CEP85L: variants seen among roughly 807,000 people sequenced by gnomAD.
The protein encoded by CEP85L is centrosomal protein 85L.
A neutral mutation model predicts 100.3 loss-of-function variants in CEP85L; 60 were observed. The observed-to-expected ratio is 0.60, with a 90% CI of 0.49 to 0.74. CEP85L has a LOEUF of 0.74. Among genes scored for constraint, CEP85L ranks in the 30% least tolerant of loss-of-function variants. CEP85L has a pLI of 0.00. For missense variants in CEP85L, 973 were observed against 936.2 expected, an observed-to-expected ratio of 1.04 and a Z score of -0.51; for synonymous variants, 319 against 322.7, an observed-to-expected ratio of 0.99 and a Z score of 0.12.
chr6:118,613,184 C>A (rs759212148), intron 2 of CEP85L, among the ~76,000 whole-genome samples: 2 of 151,972 alleles, frequency 1.3e-5, no homozygotes, highest in Admixed American at 6.6e-5. Flanking sequence ...GTACTCCAGC[C>A]TGGGCAACAA....
At chr6:118,600,306 T>G (rs867468913) in intron 2 of CEP85L, among the ~76,000 whole-genome samples, 920 of 40,690 alleles carry the variant, frequency 0.023, 122 homozygotes, top group Middle Eastern at 0.042. Context: ...TGGGGGTGTG[T>G]GTGTGTGTGT....
chr6:118,705,673 A>G (rs1051358597), intron 1 of CEP85L, among the ~76,000 whole-genome samples: 1 of 152,262 alleles, frequency 6.6e-6, no homozygotes, highest in Admixed American at 6.5e-5. Flanking sequence ...TTTTCCAGAC[A>G]TCAATCTGAC....
At chr6:118,567,575 G>C (rs1779627368) in intron 2 of CEP85L, among the ~76,000 whole-genome samples, 1 of 151,940 alleles carries the variant, frequency 6.6e-6, no homozygotes, top group South Asian at 2.1e-4. Context: ...TGTAATCAAG[G>C]GATATCTAGA....
intron 3 of CEP85L, among the ~76,000 whole-genome samples, chr6:118,544,085 C>T (rs773090160): frequency 2.0e-5 from 3 of 151,942 alleles, no homozygotes; most frequent in Non-Finnish European, 2.9e-5. Context: ...ACAAAGTTTG[C>T]GAATGCGAGG....
intron 1 of CEP85L, among the ~76,000 whole-genome samples, chr6:118,676,000 G>T (rs1421171601): frequency 6.6e-6 from 1 of 152,130 alleles, no homozygotes; most frequent in Non-Finnish European, 1.5e-5. Context: ...GCCAAGTTAA[G>T]ATCCAATCAG....
intron 1 of CEP85L, among the ~76,000 whole-genome samples, chr6:118,644,589 C>T (rs573621656): frequency 5.3e-5 from 8 of 152,260 alleles, no homozygotes; most frequent in South Asian, 2.1e-4. Context: ...CTCTCCCCAC[C>T]GCCCTCTGCC....
intron 1 of CEP85L, among the ~76,000 whole-genome samples, chr6:118,706,595 A>G (rs1777599288): frequency 6.6e-6 from 1 of 152,286 alleles, no homozygotes. Context: ...TTTTTATTTT[A>G]TGTGCCACTT....
Position 118,537,858 on chromosome 6 carries a change from C to T in CEP85L, c.1021-13938G>A, listed in dbSNP as rs987884721. 24 of 985,086 alleles carry T rather than the reference C, an allele frequency of 2.4e-5. No individual in the cohort carries two copies. In the African/African-American group the frequency reaches 3.7e-4, roughly 15 times the overall value. The allele number at this position is 985,086 out of a possible 1,614,324, so 61.0% of individuals were successfully genotyped here. A position where few individuals can be genotyped will look rare whatever the true frequency, so the allele number is the denominator to read the frequency against. ...CTTATTCATCACTCACAACATGTCA[C>T]GTAACACAGTAAATCTTCCTCTGTT... is the stretch of plus-strand genomic sequence containing the variant. On this transcript the variant is annotated intron_variant, in intron 3 of 12. Transcript: ENST00000368491.
intron 3 of CEP85L, among the ~76,000 whole-genome samples, chr6:118,547,920 G>C (rs1046711018): frequency 3.9e-5 from 6 of 152,036 alleles, no homozygotes; most frequent in African/African-American, 1.4e-4. Flanking sequence ...TTCAATGAAA[G>C]TTGTTTTGCT....
At chr6:118,683,212 G>A (rs1583256390) in intron 1 of CEP85L, among the ~76,000 whole-genome samples, 1 of 152,244 alleles carries the variant, frequency 6.6e-6, no homozygotes, top group Middle Eastern at 3.4e-3. Context: ...TAATAACTAT[G>A]TTTTAATGTA....
intron 3 of CEP85L, chr6:118,559,333 C>T (rs996805639): frequency 2.2e-6 from 1 of 460,810 alleles, no homozygotes; most frequent in African/African-American, 2.0e-5. Context: ...CTGTTGATTT[C>T]CTCAACATGG....
Position 118,570,052 on chromosome 6 carries a change from A to T in CEP85L, c.233-3736T>A, listed in dbSNP as rs527673150. On this transcript the variant is annotated intron_variant, in intron 2 of 12. Coordinates refer to ENST00000368491, the MANE Select transcript of CEP85L (RefSeq NM_001042475.3). Reference sequence around the variant, plus strand: ...TATGAATACACATATGTGAACATACATATCTAGATATGTAGATGCGTGCAT... The same window carrying T: ...TATGAATACACATATGTGAACATACTTATCTAGATATGTAGATGCGTGCAT... Among the ~76,000 whole-genome samples, 16 of 152,328 alleles carry T rather than the reference A, an allele frequency of 1.1e-4. No homozygotes were observed. The South Asian group carries it at 3.3e-3, about 32-fold the overall frequency.
chr6:118,554,329 A>G (rs1173430482), intron 3 of CEP85L, among the ~76,000 whole-genome samples: 1 of 152,066 alleles, frequency 6.6e-6, no homozygotes, highest in Non-Finnish European at 1.5e-5. Flanking sequence ...TTAATTAAAA[A>G]TGAGATGGGG....
chr6:118,505,741 G>T (rs1582933706), intron 5 of CEP85L, among the ~76,000 whole-genome samples: 1 of 152,128 alleles, frequency 6.6e-6, no homozygotes, highest in East Asian at 1.9e-4. Flanking sequence ...GGGTCCAATG[G>T]GTTGAACAGG....
upstream of CEP85L, chr6:118,651,679 C>G: frequency 1.1e-6 from 1 of 922,100 alleles, no homozygotes. Flanking sequence ...TGCGCGGCGC[C>G]GCGCGGGGCG....
chr6:118,651,757 G>T (rs977146505), upstream of CEP85L: 7 of 986,514 alleles, frequency 7.1e-6, no homozygotes, highest in Non-Finnish European at 7.2e-6. Flanking sequence ...CCTCCTTGGC[G>T]GCGACTGGGC....
intron 5 of CEP85L, among the ~76,000 whole-genome samples, chr6:118,496,356 T>TTTTTATTTTATTTTATTTTA (rs553361650): frequency 0.23 from 32,240 of 139,344 alleles, 4,425 homozygotes; most frequent in Non-Finnish European, 0.29. Flanking sequence ...TATTTTATAT[T>TTTTTATTTTATTTTATTTTA]TTTTATTTTA....
intron 3 of CEP85L, among the ~76,000 whole-genome samples, chr6:118,550,461 G>A (rs1057323699): frequency 3.3e-5 from 5 of 151,430 alleles, no homozygotes; most frequent in African/African-American, 9.7e-5. Flanking sequence ...AAATGAGGAG[G>A]GCCAATGAAC....
intron 2 of CEP85L, among the ~76,000 whole-genome samples, chr6:118,599,847 A>G (rs1228341486): frequency 6.6e-6 from 1 of 152,208 alleles, no homozygotes; most frequent in Non-Finnish European, 1.5e-5. Flanking sequence ...AGACATCTAT[A>G]AAATATTTGA....
Sources: gnomAD v4.1 joint callset for allele counts (sites outside exome capture counted in the v4.1 genomes callset) on GRCh38, gnomAD v4.1.1 for gene constraint, MANE v1.5 for transcripts, NCBI Gene and HGNC (gene_info 2026-07-23, HGNC 2026-07-21) for gene names.